The following TSHZ2 variants were observed in gnomAD, a reference collection of about 807,000 sequenced individuals.
TSHZ2 encodes the protein teashirt homolog 2.
A neutral mutation model predicts 74.4 loss-of-function variants in TSHZ2; 21 were observed. The ratio of observed to expected loss-of-function variants is 0.28; its 90% CI spans 0.20 to 0.41. TSHZ2 has a LOEUF of 0.41. Ranked by LOEUF, TSHZ2 falls within the 10% of genes least tolerant of loss-of-function variation. The probability of loss-of-function intolerance (pLI) is 1.00; values close to 1 mark genes in which losing one functional copy is unlikely to be tolerated. For missense variants in TSHZ2, 1,244 were observed against 1,293.5 expected (o/e 0.96, Z 0.59); for synonymous variants, 540 against 515.3 (o/e 1.05, Z -0.65).
chr20:53,291,121 A>G (rs1568854369), intron 2 of TSHZ2, among the ~76,000 whole-genome samples: 3 of 152,188 alleles, frequency 2.0e-5, no homozygotes, highest in Admixed American at 2.0e-4. Context: ...AAACTGAAGG[A>G]AAGGTCACCA....
intron 1 of TSHZ2, among the ~76,000 whole-genome samples, chr20:53,156,831 T>C (rs1260722508): frequency 6.6e-6 from 1 of 152,234 alleles, no homozygotes; most frequent in African/African-American, 2.4e-5. Flanking sequence ...CAGTCAAAGA[T>C]TATAAGATAA....
chr20:53,266,943 A>G (rs1990732112), intron 2 of TSHZ2, among the ~76,000 whole-genome samples: 2 of 151,922 alleles, frequency 1.3e-5, no homozygotes, highest in South Asian at 4.2e-4. Flanking sequence ...CACTCAGCTA[A>G]TTTTCTGTGT....
chr20:53,250,299 T>C (rs1288227665), intron 1 of TSHZ2, among the ~76,000 whole-genome samples: 1 of 152,164 alleles, frequency 6.6e-6, no homozygotes, highest in Non-Finnish European at 1.5e-5. Context: ...CATCCACTTA[T>C]CCTAAGACTT....
intron 2 of TSHZ2, among the ~76,000 whole-genome samples, chr20:53,484,350 C>A (rs1290107013): frequency 6.6e-6 from 1 of 151,166 alleles, no homozygotes; most frequent in East Asian, 1.9e-4. Flanking sequence ...TAGCTGTGAA[C>A]CCTAGGACAA....
At chr20:53,247,742 C>G (rs1376146981) in intron 1 of TSHZ2, among the ~76,000 whole-genome samples, 1 of 152,122 alleles carries the variant, frequency 6.6e-6, no homozygotes, top group Non-Finnish European at 1.5e-5. Flanking sequence ...GGTAGATTGG[C>G]GAAAACGATC....
chr20:53,080,534 G>C (rs1985499073), intron 1 of TSHZ2, among the ~76,000 whole-genome samples: 1 of 152,190 alleles, frequency 6.6e-6, no homozygotes, highest in Admixed American at 6.5e-5. Flanking sequence ...AGGTAGGGGA[G>C]ATGGATGGTT....
intron 2 of TSHZ2, among the ~76,000 whole-genome samples, chr20:53,370,657 AG>A (rs1981434329): frequency 6.6e-6 from 1 of 152,062 alleles, no homozygotes. Context: ...CCAGATACTC[AG>A]GGGGCTGAGG....
At chr20:53,056,937 T>C (rs12479789) in intron 1 of TSHZ2, among the ~76,000 whole-genome samples, 7,702 of 152,252 alleles carry the variant, frequency 0.051, 360 homozygotes, top group East Asian at 0.21. Context: ...CCCACCCAAA[T>C]CTCATCCTGA....
In TSHZ2 at chr20:52,973,191, C is replaced by T; in HGVS notation, c.-103C>T. 6.8e-7 allele frequency: 1 copy of T among 1,469,896 alleles called. No homozygotes were observed. Among genetic ancestry groups the T allele is most frequent in the Non-Finnish European group, 9.3e-7 (1 of 1,078,984 alleles). 91.1% of individuals were successfully genotyped at this position (1,469,896 alleles called of 1,614,324 possible). A position where few individuals can be genotyped will look rare whatever the true frequency, so the allele number is the denominator to read the frequency against. On this transcript the variant is annotated 5_prime_UTR_variant, in exon 1 of 3. Transcript: ENST00000371497. Reference sequence around the variant, plus strand: ...GGCCGAGTGACGTCCTAGGAGCCACCGGGCAAGAGGCGGAGGAGACCCAGA... The same window carrying T: ...GGCCGAGTGACGTCCTAGGAGCCACTGGGCAAGAGGCGGAGGAGACCCAGA...
At chr20:53,350,914 A>T (rs1326653589) in intron 2 of TSHZ2, among the ~76,000 whole-genome samples, 1 of 152,220 alleles carries the variant, frequency 6.6e-6, no homozygotes, top group South Asian at 2.1e-4. Context: ...TTGCTCACCA[A>T]ATCTTTTTCA....
chr20:53,208,946 C>T (rs6013647), intron 1 of TSHZ2, among the ~76,000 whole-genome samples: 60,109 of 152,054 alleles, frequency 0.4, 13,722 homozygotes, highest in African/African-American at 0.64. Context: ...GTATGCATTG[C>T]TTACTCTTTC....
At chr20:53,347,828 C>T (rs1028329168) in intron 2 of TSHZ2, among the ~76,000 whole-genome samples, 2 of 152,132 alleles carry the variant, frequency 1.3e-5, no homozygotes, top group Admixed American at 1.3e-4. Flanking sequence ...ATATACATAA[C>T]ATAAAATTCA....
In TSHZ2 at chr20:52,973,254, G is replaced by T; in HGVS notation, c.-40G>T. The T allele has an allele frequency of 6.4e-7, 1 of 1,551,742 alleles. No individual in the cohort carries two copies. The highest frequency in any genetic ancestry group is 8.7e-7 in the Non-Finnish European group (1 of 1,146,938). On this transcript the variant is annotated 5_prime_UTR_variant, in exon 1 of 3. Transcript: ENST00000371497. ...ACAGCGGGCCCCAGCGCGCGGCTCG[G>T]GGCTGGGGCGCCAGAAGTGGGACTG...
chr20:53,324,380 T>TTTTGC lies in TSHZ2; in HGVS notation c.*8+67814_*8+67818dup, dbSNP rs1979408921. On this transcript the variant is annotated intron_variant, in intron 2 of 2. Coordinates refer to ENST00000371497, the MANE Select transcript of TSHZ2 (RefSeq NM_173485.6). Reference sequence around the variant, plus strand: ...ACTTTTTGTTTTTGGTTTTGTTTTGTTTTGCTTTGTTTTTTGAGACAAGGT... The same window carrying TTTTGC: ...ACTTTTTGTTTTTGGTTTTGTTTTGTTTTGCTTTGCTTTGTTTTTTGAGACAAGGT... 2.0e-5 allele frequency among the ~76,000 whole-genome samples: 3 copies of TTTTGC among 152,054 alleles called. No individual in the cohort carries two copies. In the South Asian group the frequency reaches 6.2e-4, roughly 32 times the overall value.
At position 53,180,544 on chromosome 20, in the gene TSHZ2, T is replaced by G. The variant is rs529063329; in HGVS notation, c.41-72955T>G. 5.3e-5 allele frequency among the ~76,000 whole-genome samples: 8 copies of G among 152,242 alleles called. No individual in the cohort carries two copies. In the East Asian group the frequency reaches 1.4e-3, roughly 26 times the overall value. On this transcript the variant is annotated intron_variant, in intron 1 of 2. Coordinates refer to ENST00000371497, the MANE Select transcript of TSHZ2 (RefSeq NM_173485.6). ...GCAGCCCTTCCTGATTTTGGTTCAGTCTTGCATGCTCAGGATAAATAAAGC... is the reference window on the plus strand; with the variant it reads ...GCAGCCCTTCCTGATTTTGGTTCAGGCTTGCATGCTCAGGATAAATAAAGC...
chr20:53,237,605 G>A lies in TSHZ2; in HGVS notation c.41-15894G>A, dbSNP rs151160351. 3.2e-4 allele frequency among the ~76,000 whole-genome samples: 48 copies of A among 152,136 alleles called. No individual in the cohort carries two copies. The East Asian group carries it at 8.3e-3, about 26-fold the overall frequency. ...GATAATGCTCCCATGACTGGAAAAA[G>A]ATGAGATCATTTGTAAGTGGCTTGT... is the stretch of plus-strand genomic sequence containing the variant. On this transcript the variant is annotated intron_variant, in intron 1 of 2. Transcript: ENST00000371497.
At chr20:53,055,574 T>C (rs927784915) in intron 1 of TSHZ2, among the ~76,000 whole-genome samples, 1 of 152,200 alleles carries the variant, frequency 6.6e-6, no homozygotes, top group Non-Finnish European at 1.5e-5. Flanking sequence ...AATGAATCCA[T>C]TCCCATTTTT....
At chr20:53,420,507 A>G (rs1983430313) in intron 2 of TSHZ2, among the ~76,000 whole-genome samples, 4 of 152,196 alleles carry the variant, frequency 2.6e-5, no homozygotes, top group Non-Finnish European at 5.9e-5. Flanking sequence ...CGGGCAGATC[A>G]CGAGGCCAGG....
intron 2 of TSHZ2, among the ~76,000 whole-genome samples, chr20:53,443,271 A>G (rs557421538): frequency 2.0e-5 from 3 of 152,320 alleles, no homozygotes; most frequent in African/African-American, 7.2e-5. Context: ...TATAACTCTG[A>G]TAAGTGAGCT....
Sources: gnomAD v4.1 joint callset for allele counts (sites outside exome capture counted in the v4.1 genomes callset) on GRCh38, gnomAD v4.1.1 for gene constraint, MANE v1.5 for transcripts, NCBI Gene and HGNC (gene_info 2026-07-23, HGNC 2026-07-21) for gene names.